Variants in RBMS3 observed in about 807,000 individuals in gnomAD.
RBMS3 encodes the protein RNA binding motif single stranded interacting protein 3.
RBMS3 carries 27 observed loss-of-function variants against 66.8 expected under a neutral mutation model. That is an observed-to-expected ratio of 0.40 (90% CI 0.30 to 0.56). The LOEUF is 0.56. Ranked by LOEUF, RBMS3 falls within the 20% of genes least tolerant of loss-of-function variation. The pLI is 0.40. For synonymous variants in RBMS3, 188 were observed against 183.0 expected, an observed-to-expected ratio of 1.03 and a Z score of -0.22; for missense variants, 513 against 549.5, an observed-to-expected ratio of 0.93 and a Z score of 0.66.
intron 1 of RBMS3, among the ~76,000 whole-genome samples, chr3:29,384,425 A>ATAG: frequency 8.2e-6 from 1 of 122,510 alleles, no homozygotes; most frequent in South Asian, 2.9e-4. Context: ...ACCAATAATA[A>ATAG]TAATAATAAT....
At chr3:29,616,106 G>C (rs1189042398) in intron 4 of RBMS3, 1 of 152,166 alleles carries the variant, frequency 6.6e-6, no homozygotes, top group Non-Finnish European at 1.5e-5. Flanking sequence ...CAGAAAATTT[G>C]AGCCAGTTCT....
At chr3:29,375,608 A>C (rs546414914) in intron 1 of RBMS3, among the ~76,000 whole-genome samples, 1 of 152,350 alleles carries the variant, frequency 6.6e-6, no homozygotes, top group South Asian at 2.1e-4. Flanking sequence ...AAAAATGCTC[A>C]GTATTACTAA....
chr3:29,967,243 G>A (rs1696912258), intron 12 of RBMS3, among the ~76,000 whole-genome samples: 1 of 152,132 alleles, frequency 6.6e-6, no homozygotes, highest in Non-Finnish European at 1.5e-5. Flanking sequence ...TCTCTATCTT[G>A]TGGAATAGTG....
intron 12 of RBMS3, among the ~76,000 whole-genome samples, chr3:29,966,293 C>T (rs894404686): frequency 6.6e-6 from 1 of 152,114 alleles, no homozygotes; most frequent in African/African-American, 2.4e-5. Context: ...AATTTGAATA[C>T]TGCTTTTGGC....
At chr3:29,347,795 G>C (rs1212503787) in intron 1 of RBMS3, among the ~76,000 whole-genome samples, 1 of 152,220 alleles carries the variant, frequency 6.6e-6, no homozygotes. Context: ...ACCCTTAAGA[G>C]GGAGAGAATG....
chr3:29,333,541 G>A (rs1004208316), intron 1 of RBMS3, among the ~76,000 whole-genome samples: 14 of 152,142 alleles, frequency 9.2e-5, no homozygotes, highest in Non-Finnish European at 1.8e-4. Context: ...TCAACCTACA[G>A]GGCAGTTTAA....
intron 14 of RBMS3, among the ~76,000 whole-genome samples, chr3:30,000,507 A>G (rs955836206): frequency 2.0e-5 from 3 of 152,180 alleles, no homozygotes; most frequent in Non-Finnish European, 2.9e-5. Flanking sequence ...TAGAACCAGA[A>G]ATACCATTTG....
intron 3 of RBMS3, among the ~76,000 whole-genome samples, chr3:29,566,765 G>A (rs1440037796): frequency 6.6e-6 from 1 of 152,082 alleles, no homozygotes; most frequent in Non-Finnish European, 1.5e-5. Context: ...TGTGGAGGTG[G>A]CTGCAAAGAG....
chr3:29,848,982 A>G (rs1245517673), intron 6 of RBMS3, among the ~76,000 whole-genome samples: 1 of 152,222 alleles, frequency 6.6e-6, no homozygotes, highest in Non-Finnish European at 1.5e-5. Flanking sequence ...GATCTTTTGT[A>G]AAATCACAAA....
intron 12 of RBMS3, among the ~76,000 whole-genome samples, chr3:29,978,365 A>T (rs1314710091): frequency 6.6e-6 from 1 of 152,064 alleles, no homozygotes; most frequent in Non-Finnish European, 1.5e-5. Flanking sequence ...GGGACATAAA[A>T]CTCCATAGCA....
chr3:29,502,868 A>C (rs2044030482), intron 3 of RBMS3, among the ~76,000 whole-genome samples: 1 of 152,122 alleles, frequency 6.6e-6, no homozygotes, highest in Non-Finnish European at 1.5e-5. Flanking sequence ...AGGACTCAGA[A>C]TGAGCCATGT....
intron 3 of RBMS3, among the ~76,000 whole-genome samples, chr3:29,566,437 C>T (rs1039185550): frequency 5.3e-5 from 8 of 151,990 alleles, no homozygotes; most frequent in South Asian, 4.1e-4. Flanking sequence ...TGAAGCTCTA[C>T]GTAACACATA....
At chr3:29,581,960 C>T (rs3773096) in intron 3 of RBMS3, among the ~76,000 whole-genome samples, 8,949 of 152,014 alleles carry the variant, frequency 0.059, 534 homozygotes, top group East Asian at 0.31. Context: ...CTTAAGGAGC[C>T]CACAGCAACA....
At chr3:29,762,612 T>G (rs2055740651) in intron 5 of RBMS3, among the ~76,000 whole-genome samples, 1 of 152,140 alleles carries the variant, frequency 6.6e-6, no homozygotes, top group Non-Finnish European at 1.5e-5. Context: ...GTTGAACACT[T>G]TCAATTGCCA....
chr3:29,983,338 C>T lies in RBMS3; in HGVS notation c.1099-4805C>T, dbSNP rs1374350931. Reference sequence around the variant, plus strand: ...GCATGTGAGATGGGTCTCCTGAATACAGCACACCAATGGGTCTTACTCTTT... The same window carrying T: ...GCATGTGAGATGGGTCTCCTGAATATAGCACACCAATGGGTCTTACTCTTT... On this transcript the variant is annotated intron_variant, in intron 12 of 14. Transcript: ENST00000383767. 4.0e-5 allele frequency among the ~76,000 whole-genome samples: 6 copies of T among 150,414 alleles called. No individual in the cohort carries two copies. The East Asian group carries it at 1.2e-3, about 30-fold the overall frequency.
intron 4 of RBMS3, among the ~76,000 whole-genome samples, chr3:29,628,259 A>C (rs971443654): frequency 6.6e-6 from 1 of 152,160 alleles, no homozygotes; most frequent in African/African-American, 2.4e-5. Context: ...TGTAAACAAC[A>C]ATTTAAAAAA....
Position 29,281,527 on chromosome 3 carries a change from A to G in RBMS3, c.-155A>G. ...TTTTGTTTTGTTTTGTTTTTTAAAA[A>G]AATTCTTGCTGTGTTGGAACTAGCG... On this transcript the variant is annotated 5_prime_UTR_variant, in exon 1 of 15. Coordinates refer to ENST00000383767, the MANE Select transcript of RBMS3 (RefSeq NM_001003793.3). 1 of 611,888 alleles carries G rather than the reference A, an allele frequency of 1.6e-6. No individual in the cohort carries two copies. Among genetic ancestry groups the G allele is most frequent in the Non-Finnish European group, 2.9e-6 (1 of 345,418 alleles). The allele number at this position is 611,888 out of a possible 1,614,324, so 37.9% of individuals were successfully genotyped here. A position where few individuals can be genotyped will look rare whatever the true frequency, so the allele number is the denominator to read the frequency against.
chr3:29,609,262 T>C (rs1001307034), intron 4 of RBMS3, among the ~76,000 whole-genome samples: 19 of 151,992 alleles, frequency 1.3e-4, no homozygotes, highest in African/African-American at 4.6e-4. Context: ...GTAGTACTGG[T>C]CCAGACTGTT....
chr3:29,628,647 T>C lies in RBMS3; in HGVS notation c.399+41442T>C, dbSNP rs142838935. Among the ~76,000 whole-genome samples the C allele has an allele frequency of 3.3e-5, 5 of 152,236 alleles. No homozygotes were observed. The East Asian group carries it at 9.7e-4, about 29-fold the overall frequency. On this transcript the variant is annotated intron_variant, in intron 4 of 14. Coordinates refer to ENST00000383767, the MANE Select transcript of RBMS3 (RefSeq NM_001003793.3). The stretch of plus-strand genomic sequence containing the variant: ...TATGTACATTATTCATGTTCATCAG[T>C]ATACGTTTCATATGTTCATCATTAT...
Sources: gnomAD v4.1 joint callset for allele counts (sites outside exome capture counted in the v4.1 genomes callset) on GRCh38, gnomAD v4.1.1 for gene constraint, MANE v1.5 for transcripts, NCBI Gene and HGNC (gene_info 2026-07-23, HGNC 2026-07-21) for gene names.